UQCC5: variants seen among roughly 807,000 people sequenced by gnomAD.
UQCC5 encodes the protein ubiquinol-cytochrome c reductase complex assembly factor 5.
the UQCC5 span, chr3:52,536,646 T>C: frequency 6.7e-7 from 1 of 1,493,872 alleles, no homozygotes; most frequent in African/African-American, 1.4e-5. Flanking sequence ...CGGCGCTCGC[T>C]AGTCTCCCAG....
At chr3:52,537,095 G>A in the UQCC5 span, among the ~76,000 whole-genome samples, 1 of 152,182 alleles carries the variant, frequency 6.6e-6, no homozygotes, top group East Asian at 1.9e-4. Context: ...TTGGCGTCCA[G>A]CCTTGTGACC....
the UQCC5 span, among the ~76,000 whole-genome samples, chr3:52,537,390 A>G: frequency 6.6e-6 from 1 of 152,226 alleles, no homozygotes; most frequent in African/African-American, 2.4e-5. Context: ...CCAGATGATC[A>G]GCACTGTAAA....
the UQCC5 span, chr3:52,536,638 G>A: frequency 4.7e-6 from 7 of 1,485,898 alleles, no homozygotes; most frequent in African/African-American, 9.7e-5. Flanking sequence ...GCGGAGGACG[G>A]CGCTCGCTAG....
chr3:52,538,560 C>T, the UQCC5 span, among the ~76,000 whole-genome samples: 1 of 152,332 alleles, frequency 6.6e-6, no homozygotes, highest in African/African-American at 2.4e-5. Context: ...CTCCCAAGTT[C>T]AAGTGATTCT....
chr3:52,539,591 A>C, the UQCC5 span, among the ~76,000 whole-genome samples: 1 of 152,144 alleles, frequency 6.6e-6, no homozygotes, highest in African/African-American at 2.4e-5. Context: ...AGCAGGTGCC[A>C]AAGAAAGATG....
At chr3:52,537,447 C>T in the UQCC5 span, among the ~76,000 whole-genome samples, 25 of 152,348 alleles carry the variant, frequency 1.6e-4, no homozygotes, top group Non-Finnish European at 3.2e-4. Context: ...TAACTCTGGA[C>T]AGGCCAGTTC....
the UQCC5 span, chr3:52,537,027 G>A: frequency 2.2e-6 from 3 of 1,341,446 alleles, no homozygotes; most frequent in African/African-American, 1.5e-5. Flanking sequence ...CGCTGGGCGA[G>A]TGCAGTTCCA....
At chr3:52,539,830 G>A in the UQCC5 span, among the ~76,000 whole-genome samples, 1 of 152,052 alleles carries the variant, frequency 6.6e-6, no homozygotes, top group Non-Finnish European at 1.5e-5. Flanking sequence ...GTAGTGACGG[G>A]GTTTCACCAT....
the UQCC5 span, among the ~76,000 whole-genome samples, chr3:52,538,495 CTT>C: frequency 6.6e-6 from 1 of 152,308 alleles, no homozygotes; most frequent in East Asian, 1.9e-4. Context: ...GAGTTTCGCT[CTT>C]GTTGCCCAGG....
chr3:52,538,587 G>A, the UQCC5 span, among the ~76,000 whole-genome samples: 1 of 152,148 alleles, frequency 6.6e-6, no homozygotes, highest in South Asian at 2.1e-4. Context: ...TCAGCCTCTG[G>A]AGTAGCTGGG....
chr3:52,536,795 G>A, the UQCC5 span: 1 of 1,551,814 alleles, frequency 6.4e-7, no homozygotes, highest in South Asian at 1.2e-5. Context: ...TCTGCAGCGG[G>A]TGCCCGGGAA....
chr3:52,536,858 A>G, the UQCC5 span: 1 of 1,551,700 alleles, frequency 6.4e-7, no homozygotes, highest in South Asian at 1.2e-5. Flanking sequence ...CCTGGGAGGA[A>G]CGATGGAGTG....
chr3:52,536,740 A>G, the UQCC5 span: 12 of 1,551,330 alleles, frequency 7.7e-6, no homozygotes, highest in Non-Finnish European at 1.0e-5. Context: ...ATCCCTCTCC[A>G]CGACCTCGGT....
At chr3:52,540,252 A>G in the UQCC5 span, among the ~76,000 whole-genome samples, 12 of 152,254 alleles carry the variant, frequency 7.9e-5, no homozygotes, top group East Asian at 2.3e-3. Flanking sequence ...CTCCATTATC[A>G]TAGTCCTCAT....
At chr3:52,538,948 G>A in the UQCC5 span, among the ~76,000 whole-genome samples, 49 of 152,142 alleles carry the variant, frequency 3.2e-4, no homozygotes, top group Admixed American at 1.2e-3. Flanking sequence ...GGTGGAGAGA[G>A]GCTGGAGATA....
At chr3:52,540,568 C>T in the UQCC5 span, 1 of 980,024 alleles carries the variant, frequency 1.0e-6, no homozygotes. Context: ...TTTCAGATCT[C>T]TTGTTCTGAC....
chr3:52,540,590 T>G, the UQCC5 span: 2 of 810,092 alleles, frequency 2.5e-6, no homozygotes, highest in Non-Finnish European at 3.8e-6. Flanking sequence ...CAGCTTGTCC[T>G]TTATCAGCTG....
chr3:52,536,756 A>G, the UQCC5 span: 1 of 1,551,808 alleles, frequency 6.4e-7, no homozygotes, highest in Non-Finnish European at 8.7e-7. Flanking sequence ...TCGGTCGAGC[A>G]TGTTCACCAG....
the UQCC5 span, among the ~76,000 whole-genome samples, chr3:52,540,059 G>A: frequency 7.2e-5 from 11 of 152,244 alleles, no homozygotes; most frequent in African/African-American, 2.7e-4. Flanking sequence ...GGGAGCATCA[G>A]AGAGCCAAGA....
Sources: allele counts gnomAD v4.1 joint callset (sites outside exome capture counted in the v4.1 genomes callset), GRCh38; gene constraint gnomAD v4.1.1; transcripts MANE v1.5; gene names NCBI Gene and HGNC (gene_info 2026-07-23, HGNC 2026-07-21).